The following PARD3B variants were observed in gnomAD, a reference collection of about 807,000 sequenced individuals.
PARD3B encodes par-3 family cell polarity regulator beta, also known as partitioning defective 3 homolog B.
PARD3B carries 103 observed loss-of-function variants against 130.2 expected under a neutral mutation model. The observed-to-expected ratio is 0.79, with a 90% CI of 0.67 to 0.93. The LOEUF is 0.93. Ranked by LOEUF, PARD3B falls within the 40% of genes least tolerant of loss-of-function variation. The pLI, the probability that PARD3B is intolerant of heterozygous loss-of-function variation, is 0.00. For synonymous variants in PARD3B, 583 were observed against 553.2 expected, an observed-to-expected ratio of 1.05 and a Z score of -0.76; for missense variants, 1,609 against 1,499.2, an observed-to-expected ratio of 1.07 and a Z score of -1.21.
intron 15 of PARD3B, among the ~76,000 whole-genome samples, chr2:205,232,595 C>T (rs1359699614): frequency 3.9e-5 from 6 of 151,970 alleles, no homozygotes; most frequent in Admixed American, 1.3e-4. Flanking sequence ...CCAGAACTGA[C>T]ACAGATGTTA....
Position 205,146,988 on chromosome 2 carries a change from T to G in PARD3B, c.1435-11734T>G, listed in dbSNP as rs1435319202. ...GCCTTGGCCTCCCAAAGTCCTGGGA[T>G]TACAAGCATGAGCCACCGTGCCTGG... On this transcript the variant is annotated intron_variant, in intron 10 of 22. Transcript: ENST00000406610. The surrounding 1 kb of genome is among the most constrained non-coding windows in gnomAD (Gnocchi z 4.3). 6.6e-6 allele frequency among the ~76,000 whole-genome samples: 1 copy of G among 152,134 alleles called. No individual in the cohort carries two copies. Among genetic ancestry groups the G allele is most frequent in the Non-Finnish European group, 1.5e-5 (1 of 68,024 alleles).
intron 2 of PARD3B, among the ~76,000 whole-genome samples, chr2:204,893,811 T>C (rs1182758593): frequency 1.3e-5 from 2 of 152,176 alleles, no homozygotes; most frequent in African/African-American, 2.4e-5. Context: ...AATAGCTCAG[T>C]TCTTAAGACT....
intron 10 of PARD3B, among the ~76,000 whole-genome samples, chr2:205,149,555 C>A (rs1216236914): frequency 2.0e-5 from 3 of 152,126 alleles, no homozygotes; most frequent in African/African-American, 7.2e-5. Context: ...TCATTCTGAC[C>A]AACTAAGTGT....
intron 1 of PARD3B, among the ~76,000 whole-genome samples, chr2:204,644,312 A>T (rs910371810): frequency 6.6e-6 from 1 of 152,138 alleles, no homozygotes; most frequent in South Asian, 2.1e-4. Flanking sequence ...AGTGCATGGT[A>T]TACATATCAA....
chr2:204,796,053 G>A (rs1426742691), intron 2 of PARD3B, among the ~76,000 whole-genome samples: 3 of 152,058 alleles, frequency 2.0e-5, no homozygotes, highest in Non-Finnish European at 2.9e-5. Flanking sequence ...TAGAACAGAA[G>A]GTAGGGCATA....
chr2:205,214,382 G>A (rs543570318), intron 15 of PARD3B, among the ~76,000 whole-genome samples: 2 of 151,772 alleles, frequency 1.3e-5, no homozygotes, highest in Middle Eastern at 3.4e-3. Flanking sequence ...GAGCAATTTG[G>A]TTGCATGTCA....
intron 15 of PARD3B, among the ~76,000 whole-genome samples, chr2:205,234,755 T>C (rs1462761339): frequency 1.3e-5 from 2 of 152,046 alleles, no homozygotes; most frequent in Middle Eastern, 3.2e-3. Flanking sequence ...CAAGAGCACA[T>C]AGAACATTTA....
At chr2:204,569,038 C>A (rs1450028581) in intron 1 of PARD3B, among the ~76,000 whole-genome samples, 1 of 151,812 alleles carries the variant, frequency 6.6e-6, no homozygotes, top group African/African-American at 2.4e-5. Context: ...AAATGACATA[C>A]CAAAACCCAT....
At chr2:205,152,359 A>T (rs2033818643) in intron 10 of PARD3B, among the ~76,000 whole-genome samples, 1 of 152,214 alleles carries the variant, frequency 6.6e-6, no homozygotes, top group Admixed American at 6.5e-5. Context: ...AGTGTTTTCC[A>T]ACTTGGTTCC....
intron 20 of PARD3B, among the ~76,000 whole-genome samples, chr2:205,455,481 G>C (rs933651099): frequency 3.6e-5 from 5 of 139,688 alleles, no homozygotes; most frequent in African/African-American, 1.7e-4. Context: ...TTCATTCCCT[G>C]TTAGTGAACT....
intron 4 of PARD3B, among the ~76,000 whole-genome samples, chr2:205,068,594 C>G (rs1007586756): frequency 6.7e-6 from 1 of 149,500 alleles, no homozygotes; most frequent in Non-Finnish European, 1.5e-5. Flanking sequence ...TTTTTTTTTA[C>G]CTTTTCCTAG....
At chr2:205,500,133 T>G (rs897989921) in intron 21 of PARD3B, 102 bp downstream of exon 21, 1 of 1,343,500 alleles carries the variant, frequency 7.4e-7, no homozygotes, top group African/African-American at 1.4e-5. Flanking sequence ...AGATTCTATT[T>G]AGGTTTCTTG....
intron 1 of PARD3B, among the ~76,000 whole-genome samples, chr2:204,547,029 C>T (rs1055992457): frequency 5.3e-5 from 8 of 152,148 alleles, no homozygotes; most frequent in Non-Finnish European, 8.8e-5. Flanking sequence ...CCAAATGCTC[C>T]TCAAACAGGG....
intron 18 of PARD3B, among the ~76,000 whole-genome samples, chr2:205,392,992 A>G (rs557135609): frequency 6.6e-6 from 1 of 152,208 alleles, no homozygotes; most frequent in Non-Finnish European, 1.5e-5. Context: ...TAATTGGTCA[A>G]TTTTCACTGA....
chr2:205,000,315 G>A (rs1454434086), intron 3 of PARD3B, among the ~76,000 whole-genome samples: 4 of 152,168 alleles, frequency 2.6e-5, no homozygotes, highest in Non-Finnish European at 5.9e-5. Flanking sequence ...TCTACTGAGT[G>A]AGCCTGCTCA....
chr2:204,729,834 A>C (rs2039409673), intron 2 of PARD3B, among the ~76,000 whole-genome samples: 1 of 152,144 alleles, frequency 6.6e-6, no homozygotes, highest in African/African-American at 2.4e-5. Flanking sequence ...TTTAAAAAAA[A>C]ATTTTTTGTT....
chr2:205,304,951 T>A (rs1170317637), intron 18 of PARD3B, among the ~76,000 whole-genome samples: 1 of 151,948 alleles, frequency 6.6e-6, no homozygotes, highest in Non-Finnish European at 1.5e-5. Flanking sequence ...TCTCAAAAAA[T>A]TAAAATTAAA....
intron 20 of PARD3B, among the ~76,000 whole-genome samples, chr2:205,488,545 C>G: frequency 6.6e-6 from 1 of 152,196 alleles, no homozygotes; most frequent in Non-Finnish European, 1.5e-5. Context: ...TGATCTCTCA[C>G]TGAACCCACT....
At chr2:204,616,396 T>C (rs12621786) in intron 1 of PARD3B, among the ~76,000 whole-genome samples, 97,112 of 152,010 alleles carry the variant, frequency 0.64, 34,075 homozygotes, top group Non-Finnish European at 0.78. Context: ...ATCAGGGAAA[T>C]GCAAATTAAA....
Sources: gnomAD v4.1 joint callset for allele counts (sites outside exome capture counted in the v4.1 genomes callset) on GRCh38, gnomAD v4.1.1 for gene constraint, Gnocchi (gnomAD v3.1) non-coding constraint, MANE v1.5 for transcripts, NCBI Gene and HGNC (gene_info 2026-07-23, HGNC 2026-07-21) for gene names.